The following XPO6 variants were observed in gnomAD, a reference collection of about 807,000 sequenced individuals.
XPO6 encodes exportin-6.
A neutral mutation model predicts 130.0 loss-of-function variants in XPO6; 3 were observed. The ratio of observed to expected loss-of-function variants is 0.02; its 90% CI spans 0.01 to 0.06. The LOEUF (loss-of-function observed/expected upper bound fraction) is 0.06, where lower values mean the gene tolerates loss of function less well. XPO6 is among the 10% of genes least tolerant of loss of function. The pLI is 1.00. For synonymous variants in XPO6, 524 were observed against 548.9 expected, an observed-to-expected ratio of 0.95 and a Z score of 0.63; for missense variants, 970 against 1,393.0, an observed-to-expected ratio of 0.70 and a Z score of 4.83.
chr16:28,101,319 T>C lies in XPO6; in HGVS notation c.3276+139A>G, dbSNP rs570475069. 17 of 743,452 alleles carry C rather than the reference T, an allele frequency of 2.3e-5. No individual in the cohort carries two copies. The African/African-American group carries it at 2.8e-4, about 12-fold the overall frequency. The allele number at this position is 743,452 out of a possible 1,614,324, so 46.1% of individuals were successfully genotyped here. ...GGCTACAGCACCAGGTCAGCAGGCA[T>C]CTCGTGAGCTGCCGCCAAGCTGCAG... On this transcript the variant is annotated intron_variant, in intron 23 of 23. Coordinates refer to ENST00000304658, the MANE Select transcript of XPO6 (RefSeq NM_015171.4). This position sits in a 1 kb window ranked among gnomAD's most constrained non-coding sequence, Gnocchi z 5.4.
chr16:28,178,293 G>A (rs904804819), intron 2 of XPO6, among the ~76,000 whole-genome samples: 1 of 152,098 alleles, frequency 6.6e-6, no homozygotes, highest in East Asian at 1.9e-4. Flanking sequence ...GAAAGGCCAG[G>A]CACAGTGGCT....
intron 8 of XPO6, among the ~76,000 whole-genome samples, chr16:28,152,330 C>T (rs1477667956): frequency 6.6e-6 from 1 of 152,180 alleles, no homozygotes; most frequent in East Asian, 1.9e-4. Flanking sequence ...GCCGTAATTT[C>T]AGACTTTTCC....
chr16:28,160,184 TAAAAAAAAAA>T (rs56947792), intron 6 of XPO6, among the ~76,000 whole-genome samples: 22 of 76,136 alleles, frequency 2.9e-4, no homozygotes, highest in South Asian at 1.6e-3. Context: ...GCCTCCGTCT[TAAAAAAAAAA>T]AAAAAAAAAA....
chr16:28,129,683 C>A (rs528376149), intron 12 of XPO6, among the ~76,000 whole-genome samples: 3 of 152,242 alleles, frequency 2.0e-5, no homozygotes, highest in African/African-American at 7.2e-5. Flanking sequence ...CAGGCATTTC[C>A]CTCTGAGAGA....
intron 17 of XPO6, 66 bp downstream of exon 17, chr16:28,111,751 A>G: frequency 1.9e-6 from 3 of 1,566,962 alleles, no homozygotes; most frequent in Non-Finnish European, 2.6e-6. Context: ...GGCAAATCTC[A>G]TCTGCCACAA....
chr16:28,115,162 A>G (rs2087022811), intron 15 of XPO6, among the ~76,000 whole-genome samples: 1 of 152,226 alleles, frequency 6.6e-6, no homozygotes, highest in South Asian at 2.1e-4. Flanking sequence ...ATCTGCTTCC[A>G]TGAATCATGA....
At chr16:28,139,413 C>T (rs191584596) in intron 9 of XPO6, among the ~76,000 whole-genome samples, 6 of 152,126 alleles carry the variant, frequency 3.9e-5, no homozygotes, top group Admixed American at 6.5e-5. Flanking sequence ...GTAGCCCAAT[C>T]TAACTAATAG....
chr16:28,099,017 A>G (rs900298312), intron 23 of XPO6, among the ~76,000 whole-genome samples: 2 of 152,298 alleles, frequency 1.3e-5, no homozygotes, highest in South Asian at 4.1e-4. Flanking sequence ...AGAGACCAGC[A>G]CACTTGCTCC....
intron 1 of XPO6, among the ~76,000 whole-genome samples, chr16:28,209,666 C>T (rs2044093882): frequency 6.9e-6 from 1 of 144,938 alleles, no homozygotes; most frequent in South Asian, 2.2e-4. Context: ...AAAAGCATTA[C>T]TGAAAGAATA....
At position 28,132,336 on chromosome 16, in the gene XPO6, G is replaced by T; in HGVS notation, c.1604C>A (p.Ser535Ter). The T allele has an allele frequency of 6.2e-7, 1 of 1,601,316 alleles. No homozygotes were observed. The highest frequency in any genetic ancestry group is 1.1e-5 in the South Asian group (1 of 88,798). Reference sequence around the variant, plus strand: ...TTAGAAAATAAAAACCAGTTTACCTGACCCTGAAGTGACTATAAACTGTTG... The same window carrying T: ...TTAGAAAATAAAAACCAGTTTACCTTACCCTGAAGTGACTATAAACTGTTG... The part of the protein sequence containing the change: ...GLQQFIVTSG[S>*]GHRLNITAEN... The change falls in exon 12 of 24, where the codon TCA becomes TAA. Residue 535 changes from serine (S) to a stop codon, truncating the protein, a stop_gained and splice_region_variant. Coordinates refer to ENST00000304658, the MANE Select transcript of XPO6 (RefSeq NM_015171.4). LOFTEE classifies it high-confidence loss of function. This position sits in a 1 kb window ranked among gnomAD's most constrained non-coding sequence, Gnocchi z 4.0.
intron 5 of XPO6, 50 bp from the exon 6 acceptor site, chr16:28,166,635 T>G (rs767876456): frequency 6.4e-7 from 1 of 1,550,630 alleles, no homozygotes; most frequent in African/African-American, 1.4e-5. Flanking sequence ...GTCCAGCATA[T>G]AAAAATCATA....
chr16:28,183,962 A>G (rs774962303), intron 1 of XPO6, among the ~76,000 whole-genome samples: 22 of 152,238 alleles, frequency 1.4e-4, no homozygotes, highest in African/African-American at 4.3e-4. Flanking sequence ...ATACTGGTTC[A>G]AGGATACTGG....
chr16:28,101,377 G>T lies in XPO6; in HGVS notation c.3276+81C>A. On this transcript the variant is annotated intron_variant, in intron 23 of 23. Coordinates refer to ENST00000304658, the MANE Select transcript of XPO6 (RefSeq NM_015171.4). The surrounding 1 kb of genome is among the most constrained non-coding windows in gnomAD (Gnocchi z 5.4). ...ACAGACCACGCCCAGAGGCCTCAAT[G>T]TGCCCCCTCCTTGCTGCACAGGTGC... 7.7e-7 allele frequency: 1 copy of T among 1,290,572 alleles called. No homozygotes were observed. Among genetic ancestry groups the T allele is most frequent in the Non-Finnish European group, 1.1e-6 (1 of 894,960 alleles). The allele number at this position is 1,290,572 out of a possible 1,614,324, so 79.9% of individuals were successfully genotyped here.
At chr16:28,150,329 C>T (rs2043063787) in intron 8 of XPO6, among the ~76,000 whole-genome samples, 1 of 151,932 alleles carries the variant, frequency 6.6e-6, no homozygotes, top group East Asian at 1.9e-4. Context: ...ACTTTTTCCC[C>T]AATTACTTTC....
At chr16:28,196,726 G>T (rs1246504305) in intron 1 of XPO6, among the ~76,000 whole-genome samples, 1 of 152,148 alleles carries the variant, frequency 6.6e-6, no homozygotes, top group Non-Finnish European at 1.5e-5. Context: ...GGGGGTGAGG[G>T]TAAGTAAATT....
chr16:28,191,497 A>C (rs1260871435), intron 1 of XPO6, among the ~76,000 whole-genome samples: 4 of 152,250 alleles, frequency 2.6e-5, no homozygotes, highest in Non-Finnish European at 4.4e-5. Flanking sequence ...CAAGCTACCA[A>C]GAAATGCTAA....
intron 1 of XPO6, among the ~76,000 whole-genome samples, chr16:28,188,500 T>C (rs142520915): frequency 6.9e-4 from 105 of 152,228 alleles, no homozygotes; most frequent in African/African-American, 2.5e-3. Flanking sequence ...ATTCTATCCC[T>C]GCTGCCAACG....
chr16:28,117,476 A>G lies in XPO6; in HGVS notation c.1860-14T>C. On this transcript the variant is annotated splice_polypyrimidine_tract_variant and intron_variant, in intron 14 of 23. Transcript: ENST00000304658. ...GACTGAGCATGCCTGCAGAAAGAAA[A>G]GAAGATGTGATTTTAAAGGTTAAGG... The G allele has an allele frequency of 6.2e-7, 1 of 1,609,644 alleles. No individual in the cohort carries two copies.
At chr16:28,126,662 T>C (rs2087422090) in intron 12 of XPO6, 1 of 152,240 alleles carries the variant, frequency 6.6e-6, no homozygotes, top group Non-Finnish European at 1.5e-5. Context: ...GATGCTAAGA[T>C]GAAGGACAAA....
Sources: gnomAD v4.1 joint callset for allele counts (sites outside exome capture counted in the v4.1 genomes callset) on GRCh38, gnomAD v4.1.1 for gene constraint, Gnocchi (gnomAD v3.1) non-coding constraint, MANE v1.5 for transcripts, NCBI Gene and HGNC (gene_info 2026-07-23, HGNC 2026-07-21) for gene names.